The following PLSCR1 variants were observed in gnomAD, a reference collection of about 807,000 sequenced individuals.
PLSCR1 encodes PL scramblase 1.
A neutral mutation model predicts 37.8 loss-of-function variants in PLSCR1; 17 were observed. That is an observed-to-expected ratio of 0.45 (90% CI 0.31 to 0.68). The LOEUF is 0.68. Ranked by LOEUF, PLSCR1 falls within the 30% of genes least tolerant of loss-of-function variation. The pLI, the probability that PLSCR1 is intolerant of heterozygous loss-of-function variation, is 0.06. For missense variants in PLSCR1, 347 were observed against 380.9 expected (o/e 0.91, Z 0.74); for synonymous variants, 116 against 125.9 (o/e 0.92, Z 0.53).
At chr3:146,518,226 C>T (rs1302018162) in intron 7 of PLSCR1, among the ~76,000 whole-genome samples, 1 of 152,118 alleles carries the variant, frequency 6.6e-6, no homozygotes, top group Non-Finnish European at 1.5e-5. Context: ...TTAAACTTGG[C>T]TAAGTGCTTT....
intron 5 of PLSCR1, among the ~76,000 whole-genome samples, chr3:146,524,972 G>A (rs2044086156): frequency 6.6e-6 from 1 of 152,232 alleles, no homozygotes; most frequent in African/African-American, 2.4e-5. Flanking sequence ...TTCTTCCCCT[G>A]GCAGCCATTA....
chr3:146,532,321 A>G (rs1314987147), intron 3 of PLSCR1, among the ~76,000 whole-genome samples: 1 of 152,222 alleles, frequency 6.6e-6, no homozygotes, highest in Non-Finnish European at 1.5e-5. Context: ...AATTTAGAGC[A>G]GATGTTCTCA....
At chr3:146,529,664 C>A (rs1017759092) in intron 3 of PLSCR1, among the ~76,000 whole-genome samples, 1 of 152,070 alleles carries the variant, frequency 6.6e-6, no homozygotes, top group African/African-American at 2.4e-5. Flanking sequence ...AGGCGCCCAC[C>A]ACCACGCCCA....
In PLSCR1 at chr3:146,530,825, G is replaced by A. The variant is rs556809818; in HGVS notation, c.95-1994C>T. Among the ~76,000 whole-genome samples, 9 of 152,246 alleles carry A rather than the reference G, an allele frequency of 5.9e-5. No homozygotes were observed. In the South Asian group the frequency reaches 1.9e-3, roughly 32 times the overall value. On this transcript the variant is annotated intron_variant, in intron 3 of 8. Transcript: ENST00000342435. ...GTTCCAATTATGATTGGCAAGTACT[G>A]GAGGAATTTAAGCAGAAGAATGAGT...
At chr3:146,526,529 T>G (rs531773554) in intron 4 of PLSCR1, among the ~76,000 whole-genome samples, 19 of 152,206 alleles carry the variant, frequency 1.2e-4, no homozygotes, top group Non-Finnish European at 2.4e-4. Flanking sequence ...TTTTCAAAAT[T>G]TTCAAAACAA....
At chr3:146,528,331 A>G (rs951497739) in intron 4 of PLSCR1, 4 of 417,500 alleles carry the variant, frequency 9.6e-6, no homozygotes, top group African/African-American at 6.1e-5. Flanking sequence ...ATGAGTTAAT[A>G]CATGTATCAG....
chr3:146,528,643 A>G lies in PLSCR1; in HGVS notation c.283T>C (p.Cys95Arg). 3.1e-6 allele frequency: 5 copies of G among 1,614,016 alleles called. No individual in the cohort carries two copies. The highest frequency in any genetic ancestry group is 4.2e-6 in the Non-Finnish European group (5 of 1,179,842). The change falls in exon 4 of 9, where the codon TGT becomes CGT. Residue 95 changes from cysteine to arginine, a missense_variant. By Grantham distance (180) the Cys-to-Arg change is radical. Coordinates refer to ENST00000342435, the MANE Select transcript of PLSCR1 (RefSeq NM_021105.3). ...WMPAPQPPLNCPPGLEYLSQI... is the reference protein window; with the variant it reads ...WMPAPQPPLNRPPGLEYLSQI... The stretch of plus-strand genomic sequence containing the variant: ...CTTAAATATTCTAATCCAGGTGGAC[A>G]GTTTAATGGAGGCTGTGGCGCTGGC...
chr3:146,542,367 A>G (rs950409808), intron 1 of PLSCR1, among the ~76,000 whole-genome samples: 7 of 151,708 alleles, frequency 4.6e-5, no homozygotes, highest in African/African-American at 1.7e-4. Flanking sequence ...AACACCCCCA[A>G]CCCCACCACC....
chr3:146,543,481 G>T (rs2044363766), intron 1 of PLSCR1, among the ~76,000 whole-genome samples: 1 of 152,172 alleles, frequency 6.6e-6, no homozygotes, highest in Non-Finnish European at 1.5e-5. Flanking sequence ...TTCAAGAAGG[G>T]AGCCCCCAAA....
chr3:146,522,879 T>C (rs1021546621), intron 5 of PLSCR1, among the ~76,000 whole-genome samples: 2 of 152,198 alleles, frequency 1.3e-5, no homozygotes, highest in African/African-American at 2.4e-5. Flanking sequence ...GCAATACTGC[T>C]CTTTAAGGCA....
At chr3:146,528,389 G>T (rs760632550) in intron 4 of PLSCR1, 2 of 552,648 alleles carry the variant, frequency 3.6e-6, no homozygotes, top group Non-Finnish European at 6.5e-6. Context: ...TTTGCTATTG[G>T]CCATTATCAT....
At chr3:146,526,500 T>G (rs1357562701) in intron 4 of PLSCR1, among the ~76,000 whole-genome samples, 1 of 151,726 alleles carries the variant, frequency 6.6e-6, no homozygotes, top group Non-Finnish European at 1.5e-5. Flanking sequence ...CCCACTACTG[T>G]TTTTTTTGAA....
intron 7 of PLSCR1, among the ~76,000 whole-genome samples, chr3:146,518,819 G>A (rs62272714): frequency 0.066 from 10,023 of 152,130 alleles, 418 homozygotes; most frequent in Middle Eastern, 0.11. Flanking sequence ...TTTTGGAATA[G>A]AAAATCACTA....
intron 3 of PLSCR1, among the ~76,000 whole-genome samples, chr3:146,530,317 T>C (rs1475722636): frequency 6.6e-6 from 1 of 152,186 alleles, no homozygotes; most frequent in East Asian, 1.9e-4. Flanking sequence ...CTCACAATAA[T>C]GCATCATAAA....
intron 1 of PLSCR1, among the ~76,000 whole-genome samples, chr3:146,542,571 A>G (rs2108680199): frequency 6.6e-6 from 1 of 152,338 alleles, no homozygotes; most frequent in South Asian, 2.1e-4. Context: ...TAAATTACCA[A>G]GTCTCAGGTA....
In PLSCR1 at chr3:146,524,558, CAAA is replaced by C. The variant is rs544285422; in HGVS notation, c.355+1044_355+1046del. 3.2e-3 allele frequency among the ~76,000 whole-genome samples: 482 copies of C among 151,480 alleles called. 4 individuals carry two copies. Among genetic ancestry groups the C allele is most frequent in the African/African-American group, 0.011 (467 of 41,456 alleles). ...AATATTTATAAAGCCTATAAATCTA[CAAA>C]AAAAGATAAATAGTGTGCTGTGTAA... On this transcript the variant is annotated intron_variant, in intron 5 of 8. Coordinates refer to ENST00000342435, the MANE Select transcript of PLSCR1 (RefSeq NM_021105.3).
chr3:146,536,628 G>C, intron 1 of PLSCR1, 63 bp from the exon 2 acceptor site: 1 of 926,320 alleles, frequency 1.1e-6, no homozygotes, highest in East Asian at 2.4e-5. Context: ...TATAACAGTT[G>C]AATCGGGATA....
chr3:146,540,040 A>G (rs1238451317), intron 1 of PLSCR1, among the ~76,000 whole-genome samples: 1 of 152,202 alleles, frequency 6.6e-6, no homozygotes, highest in Non-Finnish European at 1.5e-5. Context: ...GCCCTGAATG[A>G]ATTAATGAGT....
At chr3:146,526,445 G>A (rs560892885) in intron 4 of PLSCR1, among the ~76,000 whole-genome samples, 18 of 152,046 alleles carry the variant, frequency 1.2e-4, no homozygotes, top group South Asian at 1.0e-3. Flanking sequence ...ACAGTGTAGC[G>A]GTTCCTCAAA....
Sources: gnomAD v4.1 joint callset for allele counts (sites outside exome capture counted in the v4.1 genomes callset) on GRCh38, gnomAD v4.1.1 for gene constraint, MANE v1.5 for transcripts, NCBI Gene and HGNC (gene_info 2026-07-23, HGNC 2026-07-21) for gene names.